Variants in YBEY observed in about 807,000 individuals in gnomAD.
YBEY encodes endoribonuclease YbeY.
Under a neutral mutation model 13.5 loss-of-function variants are expected in YBEY, and 15 were observed. The observed-to-expected ratio is 1.11, with a 90% CI of 0.75 to 1.72. The LOEUF is 1.72. YBEY is among the 40% of genes most tolerant of loss of function. The pLI, the probability that YBEY is intolerant of heterozygous loss-of-function variation, is 0.00. For synonymous variants in YBEY, 101 were observed against 83.1 expected (o/e 1.21, Z -1.17); for missense variants, 244 against 208.4 (o/e 1.17, Z -1.05).
intron 4 of YBEY, 100 bp downstream of exon 4, chr21:46,296,330 A>G: frequency 7.6e-7 from 1 of 1,323,508 alleles, no homozygotes; most frequent in Admixed American, 2.0e-5. Flanking sequence ...CCGCCCCCGC[A>G]GGAACTGGAC....
chr21:46,291,119 C>G (rs1343385945), intron 2 of YBEY, among the ~76,000 whole-genome samples: 1 of 149,472 alleles, frequency 6.7e-6, no homozygotes, highest in Non-Finnish European at 1.5e-5. Flanking sequence ...ATCACTTGAA[C>G]CCGGGAGGCA....
At chr21:46,296,053 T>C in intron 3 of YBEY, 109 bp from the exon 4 acceptor site, 1 of 1,157,542 alleles carries the variant, frequency 8.6e-7, no homozygotes. Context: ...ACAGCAACCC[T>C]GGGGTCCTGC....
chr21:46,305,006 C>T, the YBEY span, among the ~76,000 whole-genome samples: 1 of 152,352 alleles, frequency 6.6e-6, no homozygotes, highest in East Asian at 1.9e-4. Context: ...CACAGTCAGA[C>T]TCATAGAAAC....
intron 4 of YBEY, 111 bp from the exon 5 acceptor site, chr21:46,297,428 G>GCGGC (rs1213156756): frequency 9.4e-7 from 1 of 1,067,126 alleles, no homozygotes; most frequent in African/African-American, 1.6e-5. Flanking sequence ...AGCCGCGCGG[G>GCGGC]CGGCCGGCTT....
chr21:46,296,077 G>A (rs1329816492), intron 3 of YBEY, 85 bp from the exon 4 acceptor site: 37 of 1,480,920 alleles, frequency 2.5e-5, no homozygotes, highest in Non-Finnish European at 3.2e-5. Context: ...CACATACCAA[G>A]AGCAGCCTGT....
intron 2 of YBEY, among the ~76,000 whole-genome samples, chr21:46,291,019 G>GGA (rs1555919029): frequency 7.7e-6 from 1 of 130,002 alleles, no homozygotes; most frequent in African/African-American, 2.9e-5. Flanking sequence ...TCTGTCTCAG[G>GGA]AAAAAAAAAA....
downstream of YBEY, chr21:46,302,336 G>C: frequency 8.8e-7 from 1 of 1,136,934 alleles, no homozygotes; most frequent in Non-Finnish European, 1.2e-6. Context: ...TCTGGGCTGG[G>C]ACTCGATGGG....
At chr21:46,290,914 G>A (rs13050740) in intron 2 of YBEY, among the ~76,000 whole-genome samples, 60,788 of 150,120 alleles carry the variant, frequency 0.4, 12,798 homozygotes, top group Admixed American at 0.47. Context: ...GCGTGGTGGC[G>A]CATGCCTGTA....
chr21:46,286,932 A>C lies in YBEY; in HGVS notation c.19A>C (p.Asn7His). 1 of 1,614,008 alleles carries C rather than the reference A, an allele frequency of 6.2e-7. No individual in the cohort carries two copies. Among genetic ancestry groups the C allele is most frequent in the Non-Finnish European group, 8.5e-7 (1 of 1,179,996 alleles). Reference sequence around the variant, plus strand: ...TCCTGAAATGAGTTTGGTGATTAGAAATCTGCAGCGAGTCATCCCCATCAG... The same window carrying C: ...TCCTGAAATGAGTTTGGTGATTAGACATCTGCAGCGAGTCATCCCCATCAG... MSLVIR[N>H]LQRVIPIRRA... The change falls in exon 2 of 5, where the codon AAT becomes CAT. Residue 7 changes from asparagine to histidine, a missense_variant. Transcript: ENST00000397701.
downstream of YBEY, chr21:46,301,993 T>TCA: frequency 1.3e-6 from 2 of 1,522,384 alleles, no homozygotes; most frequent in South Asian, 2.5e-5. Flanking sequence ...TCTCTGTGAC[T>TCA]CACACTCAGG....
At chr21:46,301,340 T>C (rs1432572574), downstream of YBEY, 2 of 358,862 alleles carry the variant, frequency 5.6e-6, no homozygotes, top group African/African-American at 4.4e-5. Flanking sequence ...AGAGACGGGG[T>C]CTTGCTATGT....
At chr21:46,294,486 T>C (rs2081873572) in intron 3 of YBEY, among the ~76,000 whole-genome samples, 1 of 61,542 alleles carries the variant, frequency 1.6e-5, no homozygotes, top group African/African-American at 7.2e-5. Context: ...CCACGCAAGT[T>C]AGACTCTAGA....
chr21:46,311,655 C>A, the YBEY span: 1 of 546,694 alleles, frequency 1.8e-6, no homozygotes. Flanking sequence ...ACCCACCCAT[C>A]CAACCAACCA....
At chr21:46,312,110 C>T in the YBEY span, among the ~76,000 whole-genome samples, 7 of 151,880 alleles carry the variant, frequency 4.6e-5, no homozygotes, top group African/African-American at 1.4e-4. Context: ...CAACCATCTA[C>T]CTACACATCC....
At chr21:46,291,922 C>A (rs2081728702) in intron 3 of YBEY, 1 of 774,916 alleles carries the variant, frequency 1.3e-6, no homozygotes, top group Non-Finnish European at 1.6e-6. Flanking sequence ...GAGTTTAACA[C>A]AGAGCTAGCC....
At chr21:46,310,893 G>A in the YBEY span, among the ~76,000 whole-genome samples, 2 of 151,836 alleles carry the variant, frequency 1.3e-5, no homozygotes, top group African/African-American at 4.8e-5. Context: ...TTTTGAGACA[G>A]AGTCTCACTC....
In YBEY at chr21:46,291,367, T is replaced by C. The variant is rs1312741815; in HGVS notation, c.244T>C (p.Phe82Leu). The C allele has an allele frequency of 6.2e-7, 1 of 1,614,002 alleles. No homozygotes were observed. The highest frequency in any genetic ancestry group is 1.1e-5 in the South Asian group (1 of 91,072). Reference protein sequence around the residue: ...LKAGEFPQPDFPDDYNLGDIF... With the variant: ...LKAGEFPQPDLPDDYNLGDIF... ...AGCAGGTGAATTTCCCCAGCCTGATTTTCCAGATGACTACAATTTGGGAGA... is the reference window on the plus strand; with the variant it reads ...AGCAGGTGAATTTCCCCAGCCTGATCTTCCAGATGACTACAATTTGGGAGA... The change falls in exon 3 of 5, where the codon TTT becomes CTT. Residue 82 changes from phenylalanine (F) to leucine (L), a missense_variant. Phe to Leu is a conservative substitution (Grantham distance 22). Transcript: ENST00000397701.
chr21:46,297,839 G>GC, downstream of YBEY: 2 of 1,155,780 alleles, frequency 1.7e-6, no homozygotes, highest in Non-Finnish European at 2.2e-6. Flanking sequence ...GGAACGCGTG[G>GC]CCCCCGCCCG....
chr21:46,311,201 A>C, the YBEY span, among the ~76,000 whole-genome samples: 1 of 152,090 alleles, frequency 6.6e-6, no homozygotes, highest in Non-Finnish European at 1.5e-5. Flanking sequence ...GCATCTTAAT[A>C]ATGGTTTTTG....
Sources: gnomAD v4.1 joint callset for allele counts (sites outside exome capture counted in the v4.1 genomes callset) on GRCh38, gnomAD v4.1.1 for gene constraint, MANE v1.5 for transcripts, NCBI Gene and HGNC (gene_info 2026-07-23, HGNC 2026-07-21) for gene names.